ZNF365: variants seen among roughly 807,000 people sequenced by gnomAD.
ZNF365 encodes protein ZNF365.
ZNF365 carries 22 observed loss-of-function variants against 35.0 expected under a neutral mutation model. That is an observed-to-expected ratio of 0.63 (90% CI 0.45 to 0.90). The LOEUF (loss-of-function observed/expected upper bound fraction) is 0.90. Ranked by LOEUF, ZNF365 falls within the 40% of genes least tolerant of loss-of-function variation. ZNF365 has a pLI of 0.00. For synonymous variants in ZNF365, 188 were observed against 196.2 expected, an observed-to-expected ratio of 0.96 and a Z score of 0.35; for missense variants, 448 against 500.3, an observed-to-expected ratio of 0.90 and a Z score of 1.00.
At chr10:62,472,993 G>A (rs1276532615) in intron 4 of ZNF365, among the ~76,000 whole-genome samples, 1 of 152,028 alleles carries the variant, frequency 6.6e-6, no homozygotes, top group South Asian at 2.1e-4. Flanking sequence ...ACTGTGACCT[G>A]TATCTTATAT....
chr10:62,444,664 T>A (rs2132467631), intron 3 of ZNF365, among the ~76,000 whole-genome samples: 1 of 152,318 alleles, frequency 6.6e-6, no homozygotes, highest in South Asian at 2.1e-4. Flanking sequence ...CAGTTAAACT[T>A]CTGAATGTTC....
rs1395609939 is a variant in ZNF365, at chr10:62,376,519, C to A, written c.326C>A (p.Ser109Tyr). The part of the protein sequence containing the change: ...VNLYSISHEH[S>Y]KDRKPFEVVA... ...TTGTACAGCATTTCACATGAACATT[C>A]CAAGGACAGGAAGCCATTTGAGGTG... The change falls in exon 2 of 5, where the codon TCC becomes TAC. Residue 109 changes from serine to tyrosine, a missense_variant. Physicochemically the swap from Ser to Tyr is moderately radical, Grantham distance 144. Coordinates refer to ENST00000395254, the MANE Select transcript of ZNF365 (RefSeq NM_014951.3). The A allele has an allele frequency of 1.2e-6, 2 of 1,614,090 alleles. No individual in the cohort carries two copies. Among genetic ancestry groups the A allele is most frequent in the Non-Finnish European group, 1.7e-6 (2 of 1,180,040 alleles).
At chr10:62,443,676 T>G (rs923643502) in intron 3 of ZNF365, among the ~76,000 whole-genome samples, 2 of 151,932 alleles carry the variant, frequency 1.3e-5, no homozygotes, top group African/African-American at 4.8e-5. Context: ...TTTAAACAAC[T>G]GGCAAATAAT....
chr10:62,479,308 CTT>C (rs1428981769), intron 4 of ZNF365, among the ~76,000 whole-genome samples: 1 of 152,200 alleles, frequency 6.6e-6, no homozygotes, highest in East Asian at 1.9e-4. Context: ...CATAATTACT[CTT>C]AATTTTAGAG....
At position 62,376,149 on chromosome 10, in the gene ZNF365, G is replaced by A. The variant is rs775768446; in HGVS notation, c.-13-32G>A. ...CATTTTAGTAGTGTGTTTTTCAGCC[G>A]ACTTGTAAACTACCTATTTCCCCCC... On this transcript the variant is annotated intron_variant, in intron 1 of 4. Coordinates refer to ENST00000395254, the MANE Select transcript of ZNF365 (RefSeq NM_014951.3). 43 of 1,599,440 alleles carry A rather than the reference G, an allele frequency of 2.7e-5. 1 individual carries two copies. The highest frequency in any genetic ancestry group is 4.5e-5 in the South Asian group (4 of 88,958).
chr10:62,425,170 A>G (rs1176199670), intron 3 of ZNF365, among the ~76,000 whole-genome samples: 2 of 152,220 alleles, frequency 1.3e-5, no homozygotes, highest in Non-Finnish European at 2.9e-5. Context: ...AGTTCATAAA[A>G]TTATAAGAAG....
chr10:62,401,485 A>AT lies in ZNF365; in HGVS notation c.*1697dup, dbSNP rs1839827645. ...GAATCTTCACTTTGACTTTCAGTTT[A>AT]TGGGGGGGGTAGATCATTCATGTGA... On this transcript the variant is annotated 3_prime_UTR_variant, in exon 5 of 5. Transcript: ENST00000395254. 1 of 921,636 alleles carries AT rather than the reference A, an allele frequency of 1.1e-6. No individual in the cohort carries two copies. Among genetic ancestry groups the AT allele is most frequent in the Non-Finnish European group, 1.3e-6 (1 of 797,480 alleles). The allele number at this position is 921,636 out of a possible 1,614,324, so 57.1% of individuals were successfully genotyped here.
intron 4 of ZNF365, among the ~76,000 whole-genome samples, chr10:62,464,749 A>G (rs534988661): frequency 1.3e-5 from 2 of 152,372 alleles, no homozygotes; most frequent in East Asian, 1.9e-4. Context: ...GAGGATTATC[A>G]CTTTATGGAT....
chr10:62,480,188 G>T (rs558378508), exon 5 of ZNF365: 2 of 1,151,404 alleles, frequency 1.7e-6, no homozygotes, highest in East Asian at 9.8e-5. Context: ...AGTAGAAGAT[G>T]CTTCAGAACA....
intron 3 of ZNF365, among the ~76,000 whole-genome samples, chr10:62,445,325 G>C (rs1251110211): frequency 2.0e-5 from 3 of 151,054 alleles, no homozygotes; most frequent in Admixed American, 6.6e-5. Context: ...GGTATTTCTA[G>C]TTCTAGATCC....
chr10:62,377,185 G>C (rs1839352221), intron 2 of ZNF365, among the ~76,000 whole-genome samples: 1 of 152,194 alleles, frequency 6.6e-6, no homozygotes, highest in African/African-American at 2.4e-5. Context: ...GTAAACCACA[G>C]ACTATGCTTT....
chr10:62,463,166 G>A (rs1387111709), intron 4 of ZNF365, among the ~76,000 whole-genome samples: 2 of 152,182 alleles, frequency 1.3e-5, no homozygotes, highest in African/African-American at 4.8e-5. Context: ...GGCTCAAGAT[G>A]AGCTCCTGCG....
chr10:62,467,535 A>G (rs1374826037), intron 4 of ZNF365, among the ~76,000 whole-genome samples: 1 of 152,236 alleles, frequency 6.6e-6, no homozygotes, highest in African/African-American at 2.4e-5. Context: ...TATTCATCTG[A>G]GCACATTGAA....
intron 3 of ZNF365, among the ~76,000 whole-genome samples, chr10:62,425,747 A>G (rs1185164337): frequency 6.6e-6 from 1 of 152,150 alleles, no homozygotes; most frequent in East Asian, 1.9e-4. Flanking sequence ...TCTTCATAGA[A>G]TGTATCACCA....
In ZNF365 at chr10:62,401,533, G is replaced by T. The variant is rs1207677062; in HGVS notation, c.*1744G>T. The T allele has an allele frequency of 2.0e-6, 2 of 985,300 alleles. No homozygotes were observed. Among genetic ancestry groups the T allele is most frequent in the Non-Finnish European group, 2.4e-6 (2 of 829,870 alleles). The allele number at this position is 985,300 out of a possible 1,614,324, so 61.0% of individuals were successfully genotyped here. A position where few individuals can be genotyped will look rare whatever the true frequency, so the allele number is the denominator to read the frequency against. On this transcript the variant is annotated 3_prime_UTR_variant, in exon 5 of 5. Transcript: ENST00000395254. ...TGATATATAAGCAGCTATCAAGTGG[G>T]CAAAAACATTGCTGTGAATAGCACT...
rs1259723805 is a variant in ZNF365, at chr10:62,402,018, A to T, written c.*2229A>T. 2 of 985,522 alleles carry T rather than the reference A, an allele frequency of 2.0e-6. No homozygotes were observed. Among genetic ancestry groups the T allele is most frequent in the African/African-American group, 3.5e-5 (2 of 57,226 alleles). 61.0% of individuals were successfully genotyped at this position (985,522 alleles called of 1,614,324 possible). ...CATAAATTTAGTGTCAAAACATGGG[A>T]GATGGCTTACTCAGAAGCATACTCC... On this transcript the variant is annotated 3_prime_UTR_variant, in exon 5 of 5. Transcript: ENST00000395254.
intron 4 of ZNF365, among the ~76,000 whole-genome samples, chr10:62,476,817 G>C (rs978031779): frequency 6.6e-6 from 1 of 152,144 alleles, no homozygotes; most frequent in Non-Finnish European, 1.5e-5. Flanking sequence ...ATTTCAGAAA[G>C]CAGAAAAATA....
intron 3 of ZNF365, among the ~76,000 whole-genome samples, chr10:62,421,165 G>A (rs886077741): frequency 1.3e-5 from 2 of 152,064 alleles, no homozygotes; most frequent in African/African-American, 4.8e-5. Context: ...TAATGTCTAA[G>A]TCATCAACAA....
rs776286210 is a variant in ZNF365 at position 62,455,090 on chromosome 10, G to A, written c.925-4651G>A. 2.5e-4 allele frequency among the ~76,000 whole-genome samples: 38 copies of A among 152,294 alleles called. No individual in the cohort carries two copies. In the Middle Eastern group the frequency reaches 0.014, roughly 55 times the overall value. ...AAGGTTAGAATAAGAAGGCTTTGGTGGGGCATGCCTTGGACTGGGCAGTTA... is the reference window on the plus strand; with the variant it reads ...AAGGTTAGAATAAGAAGGCTTTGGTAGGGCATGCCTTGGACTGGGCAGTTA... On this transcript the variant is annotated intron_variant, in intron 3 of 4. Coordinates refer to the ZNF365 transcript ENST00000395255.
Sources: gnomAD v4.1 joint callset for allele counts (sites outside exome capture counted in the v4.1 genomes callset) on GRCh38, gnomAD v4.1.1 for gene constraint, MANE v1.5 for transcripts, NCBI Gene and HGNC (gene_info 2026-07-23, HGNC 2026-07-21) for gene names.